Variants in KCNQ1 observed in about 807,000 individuals in gnomAD.
The protein encoded by KCNQ1 is potassium voltage-gated channel subfamily KQT member 1.
A neutral mutation model predicts 72.4 loss-of-function variants in KCNQ1; 49 were observed. That is an observed-to-expected ratio of 0.68 (90% CI 0.54 to 0.86). KCNQ1 has a LOEUF of 0.86. Among genes scored for constraint, KCNQ1 ranks in the 40% least tolerant of loss-of-function variants. The pLI is 0.00. For synonymous variants in KCNQ1, 450 were observed against 412.6 expected, an observed-to-expected ratio of 1.09 and a Z score of -1.10; for missense variants, 790 against 945.1, an observed-to-expected ratio of 0.84 and a Z score of 2.15.
In KCNQ1 at chr11:2,748,567, C is replaced by A. The variant is rs57731963; in HGVS notation, c.1515-20277C>A. 4.9e-3 allele frequency among the ~76,000 whole-genome samples: 754 copies of A among 152,338 alleles called. 4 individuals are homozygous for A. Among genetic ancestry groups the A allele is most frequent in the Middle Eastern group, 0.027 (8 of 294 alleles). On this transcript the variant is annotated intron_variant, in intron 11 of 15. Coordinates refer to ENST00000155840, the MANE Select transcript of KCNQ1 (RefSeq NM_000218.3). The surrounding 1 kb of genome is among the most constrained non-coding windows in gnomAD (Gnocchi z 6.2). Reference sequence around the variant, plus strand: ...GGCCCGGGTGGGACAAGCCTGGCAACCAGGACCCAGCATGAAACTGCAGGT... The same window carrying A: ...GGCCCGGGTGGGACAAGCCTGGCAAACAGGACCCAGCATGAAACTGCAGGT...
chr11:2,641,058 T>G, intron 10 of KCNQ1: 1 of 398,544 alleles, frequency 2.5e-6, no homozygotes, highest in Non-Finnish European at 4.4e-6. Context: ...CTTTTTCCAT[T>G]TATCCACTGA....
Position 2,544,737 on chromosome 11 carries a change from A to G in KCNQ1, c.477+16719A>G, listed in dbSNP as rs1210728611. Among the ~76,000 whole-genome samples the G allele has an allele frequency of 6.6e-6, 1 of 152,200 alleles. No homozygotes were observed. The highest frequency in any genetic ancestry group is 1.5e-5 in the Non-Finnish European group (1 of 68,022). On this transcript the variant is annotated intron_variant, in intron 2 of 15. Coordinates refer to ENST00000155840, the MANE Select transcript of KCNQ1 (RefSeq NM_000218.3). This position sits in a 1 kb window ranked among gnomAD's most constrained non-coding sequence, Gnocchi z 4.4. Reference sequence around the variant, plus strand: ...TGAATTCCATTGATTTCCTTATATGAATGATGTTTTCTGAACATAGAGACA... The same window carrying G: ...TGAATTCCATTGATTTCCTTATATGGATGATGTTTTCTGAACATAGAGACA...
At chr11:2,636,472 T>C (rs1455754125) in intron 10 of KCNQ1, 1 of 152,258 alleles carries the variant, frequency 6.6e-6, no homozygotes, top group Non-Finnish European at 1.5e-5. Flanking sequence ...GTTCTGTTTA[T>C]ATGCTGGATA....
At position 2,458,422 on chromosome 11, in the gene KCNQ1, C is replaced by T. The variant is rs1846226222; in HGVS notation, c.386+12938C>T. ...GTCGTGATTAACCTGTGAACTGTAA[C>T]TCGGGGAAACCCAGTAGCTGATGGG... On this transcript the variant is annotated intron_variant, in intron 1 of 15. Transcript: ENST00000155840. This position sits in a 1 kb window ranked among gnomAD's most constrained non-coding sequence, Gnocchi z 4.6. Among the ~76,000 whole-genome samples, 1 of 152,230 alleles carries T rather than the reference C, an allele frequency of 6.6e-6. No individual in the cohort carries two copies. The highest frequency in any genetic ancestry group is 1.5e-5 in the Non-Finnish European group (1 of 68,052).
chr11:2,709,671 C>T (rs542057573), intron 11 of KCNQ1, among the ~76,000 whole-genome samples: 102 of 152,228 alleles, frequency 6.7e-4, no homozygotes, highest in Non-Finnish European at 1.1e-3. Flanking sequence ...CAGTCAGCCA[C>T]GGCTCTGCTT....
intron 2 of KCNQ1, among the ~76,000 whole-genome samples, chr11:2,560,435 G>A (rs189846273): frequency 4.2e-5 from 4 of 95,588 alleles, no homozygotes; most frequent in African/African-American, 1.2e-4. Flanking sequence ...CTGGGGGGAC[G>A]GTGGGGGATG....
chr11:2,627,544 G>C lies in KCNQ1; in HGVS notation c.1394-34417G>C. On this transcript the variant is annotated intron_variant, in intron 10 of 15. Coordinates refer to ENST00000155840, the MANE Select transcript of KCNQ1 (RefSeq NM_000218.3). This position sits in a 1 kb window ranked among gnomAD's most constrained non-coding sequence, Gnocchi z 4.9. ...TAGAATTCCATATGTAACTGGGATA[G>C]TGCAGTATTTGTCTTTCTGTGTCTG... is the stretch of plus-strand genomic sequence containing the variant. 5.0e-6 allele frequency: 2 copies of C among 398,396 alleles called. No homozygotes were observed. Among genetic ancestry groups the C allele is most frequent in the Non-Finnish European group, 8.8e-6 (2 of 226,022 alleles). 24.7% of individuals were successfully genotyped at this position (398,396 alleles called of 1,614,324 possible). A position where few individuals can be genotyped will look rare whatever the true frequency, so the allele number is the denominator to read the frequency against.
rs901832009 is a variant in KCNQ1 at position 2,446,159 on chromosome 11, C to T, written c.386+675C>T. ...CAGCGCTGGTAGCAGAGGCACCTGGCCCCCCTGTTACCAGGTGGTTCCAAT... is the reference window on the plus strand; with the variant it reads ...CAGCGCTGGTAGCAGAGGCACCTGGTCCCCCTGTTACCAGGTGGTTCCAAT... On this transcript the variant is annotated intron_variant, in intron 1 of 15. Transcript: ENST00000155840. This position sits in a 1 kb window ranked among gnomAD's most constrained non-coding sequence, Gnocchi z 8.8. Among the ~76,000 whole-genome samples, 5 of 152,144 alleles carry T rather than the reference C, an allele frequency of 3.3e-5. No individual in the cohort carries two copies. Among genetic ancestry groups the T allele is most frequent in the African/African-American group, 4.8e-5 (2 of 41,420 alleles).
At chr11:2,699,464 A>G in intron 11 of KCNQ1, 1 of 397,270 alleles carries the variant, frequency 2.5e-6, no homozygotes, top group Non-Finnish European at 4.4e-6. Context: ...CCGCCGGGAG[A>G]GTGCCGCGCT....
Position 2,479,155 on chromosome 11 carries a change from T to C in KCNQ1, c.386+33671T>C, listed in dbSNP as rs1265880808. The stretch of plus-strand genomic sequence containing the variant: ...TCCTGGCTGCTTTCACAGGCTGGCA[T>C]TGAGTGTCTGCAGCTTTTCCAGGCA... On this transcript the variant is annotated intron_variant, in intron 1 of 15. Transcript: ENST00000155840. This position sits in a 1 kb window ranked among gnomAD's most constrained non-coding sequence, Gnocchi z 4.6. Among the ~76,000 whole-genome samples, 1 of 152,164 alleles carries C rather than the reference T, an allele frequency of 6.6e-6. No homozygotes were observed. The highest frequency in any genetic ancestry group is 2.4e-5 in the African/African-American group (1 of 41,448).
At chr11:2,714,955 G>T (rs536528953) in intron 11 of KCNQ1, among the ~76,000 whole-genome samples, 14 of 152,148 alleles carry the variant, frequency 9.2e-5, no homozygotes, top group South Asian at 6.2e-4. Flanking sequence ...ACAAAGCCAG[G>T]GGGGAGCCTG....
At chr11:2,790,533 A>T (rs913524872) in intron 15 of KCNQ1, among the ~76,000 whole-genome samples, 1 of 151,820 alleles carries the variant, frequency 6.6e-6, no homozygotes, top group Admixed American at 6.6e-5. Flanking sequence ...CCCCTTTCCC[A>T]TCCCCCCTTC....
rs1848990816 is a variant in KCNQ1, at chr11:2,612,380, A to C, written c.1393+23526A>C. On this transcript the variant is annotated intron_variant, in intron 10 of 15. Coordinates refer to ENST00000155840, the MANE Select transcript of KCNQ1 (RefSeq NM_000218.3). The surrounding 1 kb of genome is among the most constrained non-coding windows in gnomAD (Gnocchi z 5.5). ...ACAAAACTGGTCCCTCATGCCAAAA[A>C]GGTTGGGGACCACTATATTATGGTA... is the stretch of plus-strand genomic sequence containing the variant. 2.5e-6 allele frequency: 1 copy of C among 398,530 alleles called. No individual in the cohort carries two copies. 24.7% of individuals were successfully genotyped at this position (398,530 alleles called of 1,614,324 possible).
intron 1 of KCNQ1, among the ~76,000 whole-genome samples, chr11:2,521,859 A>G (rs929886599): frequency 1.6e-4 from 25 of 152,102 alleles, no homozygotes; most frequent in African/African-American, 5.8e-4. Context: ...TAGGAGCACC[A>G]CTCAGGGGCC....
rs146724775 is a variant in KCNQ1 at position 2,642,066 on chromosome 11, C to G, written c.1394-19895C>G. The G allele has an allele frequency of 1.2e-3, 472 of 398,312 alleles. 2 individuals carry two copies. The highest frequency in any genetic ancestry group is 9.0e-3 in the African/African-American group (437 of 48,708). 24.7% of individuals were successfully genotyped at this position (398,312 alleles called of 1,614,324 possible). A position where few individuals can be genotyped will look rare whatever the true frequency, so the allele number is the denominator to read the frequency against. ...AAATCAGGCAGTGTGATGCATCCAA[C>G]TTTGTTATTTTTGCTCAGAATTGCT... On this transcript the variant is annotated intron_variant, in intron 10 of 15. Transcript: ENST00000155840. This position sits in a 1 kb window ranked among gnomAD's most constrained non-coding sequence, Gnocchi z 4.3.
intron 1 of KCNQ1, among the ~76,000 whole-genome samples, chr11:2,496,209 G>A (rs1157361596): frequency 6.6e-6 from 1 of 152,068 alleles, no homozygotes; most frequent in African/African-American, 2.4e-5. Context: ...GGCTGAGGTG[G>A]TTGGATCACG....
At chr11:2,535,114 TCTCA>T (rs1847708067) in intron 2 of KCNQ1, among the ~76,000 whole-genome samples, 1 of 152,190 alleles carries the variant, frequency 6.6e-6, no homozygotes, top group Admixed American at 6.5e-5. Flanking sequence ...AGGAGAAACT[TCTCA>T]CTCATCTGTC....
Position 2,612,368 on chromosome 11 carries a change from C to T in KCNQ1, c.1393+23514C>T, listed in dbSNP as rs1196711108. On this transcript the variant is annotated intron_variant, in intron 10 of 15. Transcript: ENST00000155840. The surrounding 1 kb of genome is among the most constrained non-coding windows in gnomAD (Gnocchi z 5.5). The stretch of plus-strand genomic sequence containing the variant: ...AAATTGTCTTCCACAAAACTGGTCC[C>T]TCATGCCAAAAAGGTTGGGGACCAC... The T allele has an allele frequency of 5.0e-6, 2 of 398,622 alleles. No homozygotes were observed. The allele number at this position is 398,622 out of a possible 1,614,324, so 24.7% of individuals were successfully genotyped here. A position where few individuals can be genotyped will look rare whatever the true frequency, so the allele number is the denominator to read the frequency against.
At position 2,703,579 on chromosome 11, in the gene KCNQ1, GGGGT is replaced by G. The variant is rs1850856995; in HGVS notation, c.1514+41502_1514+41505del. Among the ~76,000 whole-genome samples, 1 of 152,184 alleles carries G rather than the reference GGGGT, an allele frequency of 6.6e-6. No individual in the cohort carries two copies. The highest frequency in any genetic ancestry group is 2.4e-5 in the African/African-American group (1 of 41,438). ...TCTTGATTCCAAGGTATTTAGAGTGGGGGTGGGGGATTAGGGGAGGAAGTTGCTG... is the reference window on the plus strand; with the variant it reads ...TCTTGATTCCAAGGTATTTAGAGTGGGGGGGATTAGGGGAGGAAGTTGCTG... On this transcript the variant is annotated intron_variant, in intron 11 of 15. Coordinates refer to ENST00000155840, the MANE Select transcript of KCNQ1 (RefSeq NM_000218.3). The surrounding 1 kb of genome is among the most constrained non-coding windows in gnomAD (Gnocchi z 6.4).
Sources: gnomAD v4.1 joint callset for allele counts (sites outside exome capture counted in the v4.1 genomes callset) on GRCh38, gnomAD v4.1.1 for gene constraint, Gnocchi (gnomAD v3.1) non-coding constraint, MANE v1.5 for transcripts, NCBI Gene and HGNC (gene_info 2026-07-23, HGNC 2026-07-21) for gene names.